F13A1: variants seen among roughly 807,000 people sequenced by gnomAD.
F13A1 encodes the protein FSF, A subunit.
A neutral mutation model predicts 80.1 loss-of-function variants in F13A1; 47 were observed. The ratio of observed to expected loss-of-function variants is 0.59; its 90% CI spans 0.46 to 0.75. F13A1 has a LOEUF of 0.75. Among genes scored for constraint, F13A1 ranks in the 30% least tolerant of loss-of-function variants. F13A1 has a pLI of 0.00. For missense variants in F13A1, 817 were observed against 930.4 expected, an observed-to-expected ratio of 0.88 and a Z score of 1.59; for synonymous variants, 349 against 344.9, an observed-to-expected ratio of 1.01 and a Z score of -0.13.
chr6:6,151,059 C>A (rs4282440), intron 14 of F13A1, among the ~76,000 whole-genome samples: 32,291 of 152,056 alleles, frequency 0.21, 3,516 homozygotes, highest in Middle Eastern at 0.28. Context: ...GTAGAAAAAC[C>A]TGTTTCCTTA....
At chr6:6,228,914 G>C (rs1022128548) in intron 6 of F13A1, among the ~76,000 whole-genome samples, 1 of 152,144 alleles carries the variant, frequency 6.6e-6, no homozygotes, top group African/African-American at 2.4e-5. Flanking sequence ...TATGCCTCCA[G>C]TTGTGGGGGT....
chr6:6,229,884 G>C (rs1008900721), intron 6 of F13A1, among the ~76,000 whole-genome samples: 1 of 152,220 alleles, frequency 6.6e-6, no homozygotes, highest in African/African-American at 2.4e-5. Flanking sequence ...CTGGTGCTGG[G>C]TCAACTTGGA....
intron 8 of F13A1, among the ~76,000 whole-genome samples, chr6:6,212,371 C>T (rs533689085): frequency 6.6e-6 from 1 of 152,266 alleles, no homozygotes; most frequent in South Asian, 2.1e-4. Context: ...GTCCCTGACC[C>T]CTGACCCCCA....
chr6:6,180,717 A>T (rs906644443), intron 11 of F13A1, among the ~76,000 whole-genome samples: 1 of 152,214 alleles, frequency 6.6e-6, no homozygotes. Flanking sequence ...TGAAGCATTT[A>T]AAAAATACAG....
intron 12 of F13A1, among the ~76,000 whole-genome samples, chr6:6,171,740 G>A (rs1428857878): frequency 6.6e-6 from 1 of 152,168 alleles, no homozygotes; most frequent in Non-Finnish European, 1.5e-5. Flanking sequence ...CCTTATAAAG[G>A]CCTACAATTC....
At chr6:6,316,352 A>T (rs921820020) in intron 2 of F13A1, among the ~76,000 whole-genome samples, 2 of 151,620 alleles carry the variant, frequency 1.3e-5, no homozygotes, top group African/African-American at 4.8e-5. Flanking sequence ...CTGTTCGTTC[A>T]TTCATTCTAC....
intron 3 of F13A1, among the ~76,000 whole-genome samples, chr6:6,300,229 A>G (rs1462636564): frequency 6.9e-5 from 10 of 144,484 alleles, no homozygotes; most frequent in Admixed American, 6.7e-4. Context: ...GGTGGAGCCT[A>G]CAGAGGCAGG....
At chr6:6,284,619 A>AG (rs1758110441) in intron 3 of F13A1, among the ~76,000 whole-genome samples, 2 of 152,168 alleles carry the variant, frequency 1.3e-5, no homozygotes, top group Non-Finnish European at 2.9e-5. Context: ...TTACAACTCC[A>AG]GAGCCTTGAA....
intron 4 of F13A1, among the ~76,000 whole-genome samples, chr6:6,265,647 T>C (rs1035052565): frequency 1.2e-4 from 18 of 152,242 alleles, no homozygotes; most frequent in African/African-American, 4.1e-4. Context: ...GATCAAGTTA[T>C]ATTATATTAA....
intron 8 of F13A1, among the ~76,000 whole-genome samples, chr6:6,211,186 A>G (rs3024422): frequency 0.14 from 21,922 of 152,262 alleles, 1,758 homozygotes; most frequent in Middle Eastern, 0.19. Flanking sequence ...AAGTAAATTA[A>G]TACATGTCAG....
chr6:6,177,444 G>A (rs1367542624), intron 11 of F13A1, among the ~76,000 whole-genome samples: 1 of 152,190 alleles, frequency 6.6e-6, no homozygotes, highest in Non-Finnish European at 1.5e-5. Flanking sequence ...AGCTCCATGA[G>A]AACAGAGACA....
At position 6,232,374 on chromosome 6, in the gene F13A1, T is replaced by C. The variant is rs191320270; in HGVS notation, c.799-7514A>G. On this transcript the variant is annotated intron_variant, in intron 6 of 14. Coordinates refer to ENST00000264870, the MANE Select transcript of F13A1 (RefSeq NM_000129.4). ...GACAAAGAGGGACATTATATAATGG[T>C]AAAAGGCCTTGTCCAACAGGAAAAT... Among the ~76,000 whole-genome samples the C allele has an allele frequency of 1.8e-3, 267 of 152,250 alleles. 1 individual carries two copies. Among genetic ancestry groups the C allele is most frequent in the Middle Eastern group, 3.4e-3 (1 of 294 alleles).
At chr6:6,237,491 A>G (rs1342801277) in intron 6 of F13A1, among the ~76,000 whole-genome samples, 1 of 152,146 alleles carries the variant, frequency 6.6e-6, no homozygotes, top group South Asian at 2.1e-4. Context: ...GGTTTGCTTA[A>G]TAACAAGCTG....
chr6:6,147,706 C>A (rs1760310084), intron 14 of F13A1, among the ~76,000 whole-genome samples: 1 of 152,166 alleles, frequency 6.6e-6, no homozygotes, highest in South Asian at 2.1e-4. Context: ...TATTTAGCCC[C>A]CTCTTATCAT....
chr6:6,270,099 T>C (rs1757901466), intron 3 of F13A1, among the ~76,000 whole-genome samples: 1 of 152,222 alleles, frequency 6.6e-6, no homozygotes, highest in Non-Finnish European at 1.5e-5. Context: ...CCTACTCTTG[T>C]AAGAGCAGAG....
At chr6:6,176,128 T>C (rs1353920141) in intron 11 of F13A1, among the ~76,000 whole-genome samples, 2 of 152,176 alleles carry the variant, frequency 1.3e-5, no homozygotes, top group Non-Finnish European at 2.9e-5. Context: ...GGCAAATTCC[T>C]TGGCTTGTAA....
intron 3 of F13A1, among the ~76,000 whole-genome samples, chr6:6,293,774 T>TGAGA (rs1382847233): frequency 2.8e-5 from 2 of 71,822 alleles, no homozygotes; most frequent in African/African-American, 1.1e-4. Flanking sequence ...ATGGAGGGAG[T>TGAGA]GAGAGAGAGA....
chr6:6,210,931 G>A (rs529827629), intron 8 of F13A1, among the ~76,000 whole-genome samples: 4 of 151,794 alleles, frequency 2.6e-5, no homozygotes, highest in South Asian at 4.2e-4. Flanking sequence ...GGTTATCACC[G>A]TGTTGGTCAG....
chr6:6,253,526 G>A (rs908151388), intron 4 of F13A1, among the ~76,000 whole-genome samples: 78 of 152,148 alleles, frequency 5.1e-4, no homozygotes, highest in Admixed American at 4.6e-4. Context: ...GAGGGTCTCC[G>A]GAGCTCTCAG....
Sources: gnomAD v4.1 joint callset for allele counts (sites outside exome capture counted in the v4.1 genomes callset) on GRCh38, gnomAD v4.1.1 for gene constraint, MANE v1.5 for transcripts, NCBI Gene and HGNC (gene_info 2026-07-23, HGNC 2026-07-21) for gene names.